The following LYPD4 variants were observed in gnomAD, a reference collection of about 807,000 sequenced individuals.
LYPD4 encodes ly6/PLAUR domain-containing protein 4.
A neutral mutation model predicts 18.2 loss-of-function variants in LYPD4; 20 were observed. The ratio of observed to expected loss-of-function variants is 1.10; its 90% CI spans 0.77 to 1.59. The LOEUF (loss-of-function observed/expected upper bound fraction) is 1.59, where lower values mean the gene tolerates loss of function less well. Among genes scored for constraint, LYPD4 ranks in the 40% most tolerant of loss-of-function variants. LYPD4 has a pLI of 0.00. For synonymous variants in LYPD4, 111 were observed against 118.3 expected (o/e 0.94, Z 0.40); for missense variants, 278 against 300.3 (o/e 0.93, Z 0.55).
At chr19:41,839,163 T>C in intron 2 of LYPD4, 56 bp downstream of exon 2, 5 of 1,613,836 alleles carry the variant, frequency 3.1e-6, no homozygotes, top group South Asian at 1.1e-5. Context: ...ACCAGTGACA[T>C]GAATCCAGCC....
At position 41,842,764 on chromosome 19, in the gene LYPD4, C is replaced by CAA. The variant is rs782233081; in HGVS notation, c.-121+812_-121+813dup. Among the ~76,000 whole-genome samples the CAA allele has an allele frequency of 1.1e-3, 54 of 49,792 alleles. 5 individuals are homozygous for CAA. The highest frequency in any genetic ancestry group is 1.4e-3 in the African/African-American group (12 of 8,672). 32.7% of individuals were successfully genotyped at this position (49,792 alleles called of 152,430 possible). On this transcript the variant is annotated intron_variant, in intron 1 of 4. Coordinates refer to ENST00000609812, the MANE Select transcript of LYPD4 (RefSeq NM_173506.7). ...CAATAAGAGTGAAACTCCGTCTAAA[C>CAA]AAAAAAAAAAAAAAAAAAAAAAAAA...
At chr19:41,842,385 G>A (rs1555833739) in intron 1 of LYPD4, among the ~76,000 whole-genome samples, 1 of 152,136 alleles carries the variant, frequency 6.6e-6, no homozygotes, top group Non-Finnish European at 1.5e-5. Flanking sequence ...CCCTCTCTGA[G>A]ACCAAGTGAA....
chr19:41,840,900 A>G (rs1178662730), intron 1 of LYPD4, among the ~76,000 whole-genome samples: 1 of 152,222 alleles, frequency 6.6e-6, no homozygotes, highest in Non-Finnish European at 1.5e-5. Flanking sequence ...ATTTAGAAGT[A>G]AATTTATACT....
downstream of LYPD4, among the ~76,000 whole-genome samples, chr19:41,836,237 A>T (rs2073369655): frequency 7.2e-6 from 1 of 139,492 alleles, no homozygotes; most frequent in African/African-American, 2.6e-5. Context: ...CGGGTGAAAA[A>T]CAACCACCCC....
chr19:41,837,078 G>A lies in LYPD4; in HGVS notation c.*65C>T. The A allele has an allele frequency of 6.2e-7, 1 of 1,607,286 alleles. No homozygotes were observed. The highest frequency in any genetic ancestry group is 1.1e-5 in the South Asian group (1 of 90,514). The stretch of plus-strand genomic sequence containing the variant: ...CATGGACCACAGGACAATGCAGAAA[G>A]GGAACTCTGCTATTTTATTTGTTAT... On this transcript the variant is annotated 3_prime_UTR_variant, in exon 5 of 5. Transcript: ENST00000609812.
chr19:41,838,048 C>A lies in LYPD4; in HGVS notation c.425G>T (p.Cys142Phe). 6.2e-7 allele frequency: 1 copy of A among 1,614,142 alleles called. No individual in the cohort carries two copies. The highest frequency in any genetic ancestry group is 1.1e-5 in the South Asian group (1 of 91,084). ...CATGTGCTCGCCCACACAGGTCGGGCAGCTACAGGACGCAGATGTGATAGA... is the reference window on the plus strand; with the variant it reads ...CATGTGCTCGCCCACACAGGTCGGGAAGCTACAGGACGCAGATGTGATAGA... ...PKSITSASCS[C>F]PTCVGEHMKD... is the part of the protein sequence containing the mutation. The change falls in exon 4 of 5, where the codon TGC (cysteine) becomes TTC (phenylalanine). Residue 142 changes from cysteine (C) to phenylalanine (F), a missense_variant. Transcript: ENST00000609812.
chr19:41,839,189 T>C, intron 2 of LYPD4, 30 bp downstream of exon 2: 1 of 1,613,992 alleles, frequency 6.2e-7, no homozygotes, highest in Non-Finnish European at 8.5e-7. Context: ...CCTTTCTGGG[T>C]CTTATAGCAT....
At chr19:41,836,795 C>A (rs1555830437), downstream of LYPD4, among the ~76,000 whole-genome samples, 1 of 151,374 alleles carries the variant, frequency 6.6e-6, no homozygotes. Context: ...ACTCATAAGA[C>A]CCTTCCTTTT....
At chr19:41,840,625 G>A (rs1361349601) in intron 1 of LYPD4, among the ~76,000 whole-genome samples, 1 of 151,908 alleles carries the variant, frequency 6.6e-6, no homozygotes, top group Non-Finnish European at 1.5e-5. Flanking sequence ...GAGGTCAGGA[G>A]ATCAAGACCA....
rs782577125 is a variant in LYPD4, at chr19:41,839,258, G to A, written c.28C>T (p.Gln10Ter). Residue 10 changes from glutamine (Q) to a stop codon, truncating the protein, a stop_gained, in exon 2 of 5, where the codon CAG (glutamine) becomes TAG (stop). Transcript: ENST00000609812. LOFTEE classifies it high-confidence loss of function. Reference protein sequence around the residue: MGPQHLRLVQLFCLLGAIST... With the variant: MGPQHLRLV ...ATGGCCCCTAGAAGGCAGAACAGCT[G>A]CACAAGTCTCAAATGCTGGGGTCCC... is the stretch of plus-strand genomic sequence containing the variant. 1 of 1,614,186 alleles carries A rather than the reference G, an allele frequency of 6.2e-7. No individual in the cohort carries two copies. The highest frequency in any genetic ancestry group is 8.5e-7 in the Non-Finnish European group (1 of 1,180,030).
At chr19:41,839,431 G>A in intron 1 of LYPD4, 26 bp from the exon 2 acceptor site, 1 of 743,354 alleles carries the variant, frequency 1.3e-6, no homozygotes, top group Non-Finnish European at 2.3e-6. Flanking sequence ...GATTGCATCA[G>A]CTTCTAGGAC....
downstream of LYPD4, among the ~76,000 whole-genome samples, chr19:41,836,621 C>G (rs1297019963): frequency 6.6e-6 from 1 of 151,928 alleles, no homozygotes; most frequent in Non-Finnish European, 1.5e-5. Context: ...GGTGGTCAAA[C>G]ACAGTCGCTC....
rs139101061 is a variant in LYPD4 at position 41,843,987 on chromosome 19, T to A, written c.-530A>T. 37 of 143,382 alleles carry A rather than the reference T, an allele frequency of 2.6e-4. No homozygotes were observed. The East Asian group carries it at 7.5e-3, about 29-fold the overall frequency. The allele number at this position is 143,382 out of a possible 1,614,324, so 8.9% of individuals were successfully genotyped here. Reference sequence around the variant, plus strand: ...CCACCCCTACAAAAGACAAACAAATTGATGGAATGGAACCTTGCAGGGAGA... The same window carrying A: ...CCACCCCTACAAAAGACAAACAAATAGATGGAATGGAACCTTGCAGGGAGA... On this transcript the variant is annotated 5_prime_UTR_variant, in exon 1 of 5. Transcript: ENST00000609812.
At chr19:41,842,758 T>C (rs1600564647) in intron 1 of LYPD4, among the ~76,000 whole-genome samples, 1 of 48,742 alleles carries the variant, frequency 2.1e-5, no homozygotes, top group African/African-American at 1.0e-4. Context: ...TGAAACTCCG[T>C]CTAAACAAAA....
intron 1 of LYPD4, among the ~76,000 whole-genome samples, chr19:41,840,697 G>A (rs554050272): frequency 2.0e-5 from 3 of 152,114 alleles, no homozygotes; most frequent in Admixed American, 6.6e-5. Flanking sequence ...AGGCATGGTC[G>A]TGGACGCCTG....
chr19:41,841,614 C>G (rs964696233), intron 1 of LYPD4, among the ~76,000 whole-genome samples: 1 of 146,076 alleles, frequency 6.8e-6, no homozygotes, highest in African/African-American at 2.6e-5. Flanking sequence ...TGCAGTGAGC[C>G]GAGATCATGC....
chr19:41,843,037 A>C (rs1600567911), intron 1 of LYPD4, among the ~76,000 whole-genome samples: 2 of 23,954 alleles, frequency 8.3e-5, no homozygotes, highest in East Asian at 1.9e-3. Flanking sequence ...ATCGCTAAAA[A>C]AAAAAAAAAA....
At chr19:41,837,630 G>T (rs996514193) in intron 4 of LYPD4, among the ~76,000 whole-genome samples, 1 of 151,580 alleles carries the variant, frequency 6.6e-6, no homozygotes, top group Non-Finnish European at 1.5e-5. Context: ...GGAGGCAGAG[G>T]TTGCAGTGAG....
intron 3 of LYPD4, 107 bp from the exon 4 acceptor site, chr19:41,838,368 G>T: frequency 1.0e-6 from 1 of 987,436 alleles, no homozygotes; most frequent in Non-Finnish European, 1.4e-6. Flanking sequence ...CACAATCTGT[G>T]CCTCCCTCCC....
Sources: gnomAD v4.1 joint callset for allele counts (sites outside exome capture counted in the v4.1 genomes callset) on GRCh38, gnomAD v4.1.1 for gene constraint, MANE v1.5 for transcripts, NCBI Gene and HGNC (gene_info 2026-07-23, HGNC 2026-07-21) for gene names.